Variants in LIN9 observed in about 807,000 individuals in gnomAD.
LIN9 encodes lin-9 DREAM MuvB core complex component.
In LIN9, 18 loss-of-function variants were observed where a neutral mutation model predicts 78.0. The observed-to-expected ratio is 0.23, with a 90% CI of 0.16 to 0.34. LIN9 has a LOEUF of 0.34. Ranked by LOEUF, LIN9 falls within the 10% of genes least tolerant of loss-of-function variation. The pLI is 1.00. For synonymous variants in LIN9, 192 were observed against 215.2 expected (o/e 0.89, Z 0.94); for missense variants, 451 against 644.1 (o/e 0.70, Z 3.25).
intron 7 of LIN9, among the ~76,000 whole-genome samples, chr1:226,272,714 T>C (rs1041832663): frequency 1.3e-5 from 2 of 151,948 alleles, no homozygotes; most frequent in Admixed American, 6.6e-5. Context: ...CCTAGATTGA[T>C]TGTATTCCCA....
At chr1:226,294,612 C>T (rs887984285) in intron 4 of LIN9, among the ~76,000 whole-genome samples, 1 of 151,712 alleles carries the variant, frequency 6.6e-6, no homozygotes, top group South Asian at 2.1e-4. Context: ...ATGCTAAATT[C>T]TTGGTTGAGA....
chr1:226,236,058 T>C (rs1404997609), intron 12 of LIN9, among the ~76,000 whole-genome samples: 4 of 152,174 alleles, frequency 2.6e-5, no homozygotes, highest in Non-Finnish European at 4.4e-5. Context: ...TAGTATTCAA[T>C]TGTGTGGATG....
At position 226,260,636 on chromosome 1, in the gene LIN9, T is replaced by G. The variant is rs986894260; in HGVS notation, c.1038+4897A>C. On this transcript the variant is annotated intron_variant, in intron 10 of 14. Coordinates refer to ENST00000681046, the MANE Select transcript of LIN9 (RefSeq NM_001366245.2). ...AGATCACGGCCAAATGAGTTTTTTT[T>G]TTTTTTTTTTTTTTTTTTTTTTTTT... 4.0e-3 allele frequency among the ~76,000 whole-genome samples: 448 copies of G among 110,900 alleles called. 13 individuals carry two copies. Among genetic ancestry groups the G allele is most frequent in the Non-Finnish European group, 5.4e-3 (287 of 53,594 alleles). 72.8% of individuals were successfully genotyped at this position (110,900 alleles called of 152,430 possible). A position where few individuals can be genotyped will look rare whatever the true frequency, so the allele number is the denominator to read the frequency against.
chr1:226,282,005 T>A (rs2102957429), intron 6 of LIN9, among the ~76,000 whole-genome samples: 1 of 152,328 alleles, frequency 6.6e-6, no homozygotes, highest in African/African-American at 2.4e-5. Context: ...ATACTTTTCT[T>A]ACAGATCCTT....
intron 11 of LIN9, among the ~76,000 whole-genome samples, chr1:226,242,607 T>C (rs1282904304): frequency 6.6e-6 from 1 of 152,232 alleles, no homozygotes; most frequent in African/African-American, 2.4e-5. Context: ...CAGGTTTGAA[T>C]GGTGCAGGTC....
At chr1:226,251,251 G>A (rs1229749630) in intron 10 of LIN9, among the ~76,000 whole-genome samples, 3 of 143,074 alleles carry the variant, frequency 2.1e-5, no homozygotes, top group Non-Finnish European at 4.5e-5. Flanking sequence ...TTTTGGAGAC[G>A]GAGTCTTGCT....
intron 12 of LIN9, among the ~76,000 whole-genome samples, chr1:226,233,743 AAAAGAATAAAAC>A (rs1333639492): frequency 2.0e-5 from 3 of 152,232 alleles, no homozygotes; most frequent in African/African-American, 7.2e-5. Flanking sequence ...AAAAAAAGTT[AAAAGAATAAAAC>A]AAAGAACTCT....
intron 12 of LIN9, among the ~76,000 whole-genome samples, chr1:226,235,590 G>A (rs1657652383): frequency 6.6e-6 from 1 of 152,148 alleles, no homozygotes; most frequent in Admixed American, 6.5e-5. Context: ...CTGCTCCAGG[G>A]AGCATTTCCT....
intron 7 of LIN9, 130 bp downstream of exon 7, chr1:226,277,645 G>C: frequency 1.2e-6 from 1 of 805,434 alleles, no homozygotes; most frequent in Non-Finnish European, 1.9e-6. Context: ...ATAGGGTGAG[G>C]GTTAACGATG....
chr1:226,288,411 C>T (rs1172594186), intron 4 of LIN9, among the ~76,000 whole-genome samples: 1 of 152,192 alleles, frequency 6.6e-6, no homozygotes, highest in Non-Finnish European at 1.5e-5. Flanking sequence ...ATTTCAACTA[C>T]CACCACTATT....
At chr1:226,269,481 G>A (rs553791272) in intron 7 of LIN9, among the ~76,000 whole-genome samples, 33 of 152,258 alleles carry the variant, frequency 2.2e-4, no homozygotes, top group African/African-American at 5.3e-4. Context: ...AACAAGAAAC[G>A]TTTATTGTTG....
intron 8 of LIN9, among the ~76,000 whole-genome samples, chr1:226,267,269 A>G (rs1659981728): frequency 6.8e-6 from 1 of 148,032 alleles, no homozygotes; most frequent in Admixed American, 6.8e-5. Context: ...TTTAGGAAAT[A>G]TATTTACAAA....
At chr1:226,233,595 C>T (rs1297530757) in intron 12 of LIN9, 72 bp from the exon 13 acceptor site, 2 of 1,149,810 alleles carry the variant, frequency 1.7e-6, no homozygotes, top group Non-Finnish European at 2.3e-6. Context: ...TGTTTGTGCC[C>T]TCTTTTCAGA....
chr1:226,297,222 T>C (rs1662212711), intron 3 of LIN9, among the ~76,000 whole-genome samples: 1 of 152,192 alleles, frequency 6.6e-6, no homozygotes, highest in African/African-American at 2.4e-5. Flanking sequence ...GACTGTTTCA[T>C]GACAGACCCT....
chr1:226,242,246 T>C (rs1186682788), intron 11 of LIN9, among the ~76,000 whole-genome samples: 2 of 152,222 alleles, frequency 1.3e-5, no homozygotes, highest in African/African-American at 4.8e-5. Flanking sequence ...TATACTGAAT[T>C]CCAACACATA....
rs1659902853 is a variant in LIN9 at position 226,266,281 on chromosome 1, G to A, written c.868C>T (p.Arg290Trp). The A allele has an allele frequency of 1.3e-5, 21 of 1,600,516 alleles. No individual in the cohort carries two copies. Among genetic ancestry groups the A allele is most frequent in the Non-Finnish European group, 1.7e-5 (20 of 1,171,548 alleles). The part of the protein sequence containing the change: ...MPIAAFGQKQ[R>W]PSRFFMTPPR... ...GGGGTCATAAAAAATCGAGAAGGCC[G>A]CTGTTTTTGTCCAAAGGCAGCAATT... The change falls in exon 9 of 15, where the codon CGG becomes TGG. Residue 290 changes from arginine to tryptophan, a missense_variant. Coordinates refer to ENST00000681046, the MANE Select transcript of LIN9 (RefSeq NM_001366245.2).
intron 1 of LIN9, among the ~76,000 whole-genome samples, chr1:226,305,801 C>T (rs1471438880): frequency 6.6e-6 from 1 of 152,082 alleles, no homozygotes; most frequent in African/African-American, 2.4e-5. Flanking sequence ...GGTCTTATAG[C>T]TACTAAAGGG....
intron 10 of LIN9, among the ~76,000 whole-genome samples, chr1:226,263,542 C>A (rs1344102746): frequency 6.6e-6 from 1 of 152,146 alleles, no homozygotes. Flanking sequence ...TAGCTTCTGG[C>A]TCCCTTTGCT....
intron 6 of LIN9, among the ~76,000 whole-genome samples, chr1:226,282,590 G>A (rs1661135736): frequency 6.6e-6 from 1 of 152,214 alleles, no homozygotes; most frequent in South Asian, 2.1e-4. Context: ...GGAGGCCGAG[G>A]CGGGCAGATC....
Sources: allele counts gnomAD v4.1 joint callset (sites outside exome capture counted in the v4.1 genomes callset), GRCh38; gene constraint gnomAD v4.1.1; transcripts MANE v1.5; gene names NCBI Gene and HGNC (gene_info 2026-07-23, HGNC 2026-07-21).